The following RBM47 variants were observed in gnomAD, a reference collection of about 807,000 sequenced individuals.
RBM47 encodes the protein RNA binding motif protein 47.
In RBM47, 21 loss-of-function variants were observed where a neutral mutation model predicts 47.1. The observed-to-expected ratio is 0.45, with a 90% CI of 0.32 to 0.64. The LOEUF (loss-of-function observed/expected upper bound fraction) is 0.64. Ranked by LOEUF, RBM47 falls within the 30% of genes least tolerant of loss-of-function variation. RBM47 has a pLI of 0.05. For synonymous variants in RBM47, 375 were observed against 361.7 expected (o/e 1.04, Z -0.42); for missense variants, 708 against 870.9 (o/e 0.81, Z 2.35).
chr4:40,493,703 C>T (rs1002730118), intron 2 of RBM47, among the ~76,000 whole-genome samples: 2 of 151,386 alleles, frequency 1.3e-5, no homozygotes, highest in South Asian at 2.1e-4. Flanking sequence ...ACTGCTTGAA[C>T]CTGGGAGGCG....
rs570483923 is a variant in RBM47, at chr4:40,502,144, C to G, written c.-154-35445G>C. 5 of 154,354 alleles carry G rather than the reference C, an allele frequency of 3.2e-5. No individual in the cohort carries two copies. In the East Asian group the frequency reaches 9.7e-4, roughly 30 times the overall value. The allele number at this position is 154,354 out of a possible 1,614,324, so 9.6% of individuals were successfully genotyped here. ...GCTCAATAGAATGAATTTACAGAGG[C>G]CAAGCTTGAGCATTTTGTAACTGTT... On this transcript the variant is annotated intron_variant, in intron 2 of 6. Transcript: ENST00000295971.
intron 1 of RBM47, among the ~76,000 whole-genome samples, chr4:40,594,459 A>G (rs1245869044): frequency 6.6e-6 from 1 of 152,212 alleles, no homozygotes; most frequent in Non-Finnish European, 1.5e-5. Context: ...GAAAGCTCTC[A>G]TTATACGGCT....
intron 2 of RBM47, among the ~76,000 whole-genome samples, chr4:40,479,975 A>T (rs1465000336): frequency 6.1e-4 from 71 of 117,246 alleles, no homozygotes; most frequent in South Asian, 8.4e-4. Flanking sequence ...TATCATCTCC[A>T]TTTTTTTTTT....
intron 1 of RBM47, among the ~76,000 whole-genome samples, chr4:40,569,411 A>ACT (rs1731455425): frequency 2.1e-5 from 3 of 140,178 alleles, no homozygotes; most frequent in African/African-American, 8.0e-5. Flanking sequence ...TTCTATTCTC[A>ACT]TTTTTTTTTT....
At chr4:40,494,043 A>G (rs186110407) in intron 2 of RBM47, among the ~76,000 whole-genome samples, 1 of 152,316 alleles carries the variant, frequency 6.6e-6, no homozygotes, top group Middle Eastern at 3.4e-3. Context: ...AACTTTGCCA[A>G]AGAACAATGG....
chr4:40,479,577 G>C (rs1284464702), intron 2 of RBM47, among the ~76,000 whole-genome samples: 1 of 152,072 alleles, frequency 6.6e-6, no homozygotes, highest in Non-Finnish European at 1.5e-5. Context: ...CTGGATGACA[G>C]AGTGAGATCC....
At position 40,438,378 on chromosome 4, in the gene RBM47, G is replaced by C. The variant is rs762854745; in HGVS notation, c.516C>G (p.Ala172=). ...CGTCCAGCACGCCCTCGGTGACCTT[G>C]GCAATCTCCTCCAGGATTTCCTCGC... ...KKREEILEEI[A]KVTEGVLDVI... The change falls in exon 4 of 7, where the codon GCC becomes GCG. Residue 172 remains alanine, a synonymous_variant. Coordinates refer to ENST00000295971, the MANE Select transcript of RBM47 (RefSeq NM_001098634.2). 2 of 1,612,876 alleles carry C rather than the reference G, an allele frequency of 1.2e-6. No homozygotes were observed. Among genetic ancestry groups the C allele is most frequent in the Non-Finnish European group, 1.7e-6 (2 of 1,179,990 alleles).
At chr4:40,463,044 A>T (rs546988971) in intron 3 of RBM47, among the ~76,000 whole-genome samples, 94 of 152,374 alleles carry the variant, frequency 6.2e-4, no homozygotes, top group African/African-American at 2.2e-3. Flanking sequence ...TGTGCAAATC[A>T]TGTCTGATAA....
intron 3 of RBM47, among the ~76,000 whole-genome samples, chr4:40,454,741 G>A (rs1421253277): frequency 3.3e-5 from 5 of 152,010 alleles, no homozygotes; most frequent in Non-Finnish European, 4.4e-5. Flanking sequence ...CAGGTGATCC[G>A]CCCACCTCAG....
At position 40,437,867 on chromosome 4, in the gene RBM47, G is replaced by A. The variant is rs548510924; in HGVS notation, c.1027C>T (p.Pro343Ser). 3 of 1,613,910 alleles carry A rather than the reference G, an allele frequency of 1.9e-6. No homozygotes were observed. The South Asian group carries it at 3.3e-5, about 18-fold the overall frequency. Residue 343 changes from proline to serine, a missense_variant, in exon 4 of 7, where the codon CCC (proline) becomes TCC (serine). Coordinates refer to ENST00000295971, the MANE Select transcript of RBM47 (RefSeq NM_001098634.2). ...GGGTCGCAGGAGTACACGTAGCTGG[G>A]CTGCTGCGCTGCCTCAGCCGCGCCG... Reference protein sequence around the residue: ...GGGAAEAAQQPSYVYSCDPYT... With the variant: ...GGGAAEAAQQSSYVYSCDPYT...
chr4:40,545,093 C>T (rs1403621643), intron 1 of RBM47, among the ~76,000 whole-genome samples: 1 of 147,926 alleles, frequency 6.8e-6, no homozygotes, highest in East Asian at 2.0e-4. Flanking sequence ...GCTCTGTCAC[C>T]CAGGCTGGAG....
intron 1 of RBM47, among the ~76,000 whole-genome samples, chr4:40,571,774 CT>C (rs1731737367): frequency 6.6e-6 from 1 of 151,782 alleles, no homozygotes; most frequent in Admixed American, 6.6e-5. Context: ...AATCCTAGTA[CT>C]TTGGGAGGCT....
At chr4:40,535,966 G>A (rs1277933873) in intron 2 of RBM47, among the ~76,000 whole-genome samples, 4 of 151,976 alleles carry the variant, frequency 2.6e-5, no homozygotes, top group African/African-American at 9.7e-5. Flanking sequence ...CTCCCAGAGT[G>A]CTGGGATTAC....
At position 40,583,388 on chromosome 4, in the gene RBM47, GA is replaced by G. The variant is rs56371832; in HGVS notation, c.-239-38883del. The stretch of plus-strand genomic sequence containing the variant: ...GAGATCACGCCACTACTCCATCTCA[GA>G]AAAAAAAAAAAAAAAAAAAAAAAAA... On this transcript the variant is annotated intron_variant, in intron 1 of 6. Transcript: ENST00000295971. Among the ~76,000 whole-genome samples the G allele has an allele frequency of 7.1e-3, 642 of 91,018 alleles. 2 individuals carry two copies. Among genetic ancestry groups the G allele is most frequent in the Non-Finnish European group, 0.011 (497 of 45,302 alleles). 59.7% of individuals were successfully genotyped at this position (91,018 alleles called of 152,430 possible). A position where few individuals can be genotyped will look rare whatever the true frequency, so the allele number is the denominator to read the frequency against.
intron 2 of RBM47, chr4:40,475,843 G>A (rs1719529396): frequency 6.6e-6 from 1 of 152,186 alleles, no homozygotes; most frequent in Non-Finnish European, 1.5e-5. Flanking sequence ...GCCACTTAAT[G>A]CCTTGGGAGT....
chr4:40,601,949 G>A (rs1735318953), intron 1 of RBM47, among the ~76,000 whole-genome samples: 1 of 151,706 alleles, frequency 6.6e-6, no homozygotes, highest in Admixed American at 6.6e-5. Context: ...TGGGTGGAGA[G>A]CTTGAGGTTA....
At chr4:40,491,058 C>A (rs1721801356) in intron 2 of RBM47, among the ~76,000 whole-genome samples, 1 of 151,974 alleles carries the variant, frequency 6.6e-6, no homozygotes. Context: ...GTATAGGGTG[C>A]AGAAATCTTA....
intron 1 of RBM47, among the ~76,000 whole-genome samples, chr4:40,594,095 A>G (rs1213419160): frequency 6.6e-6 from 1 of 151,660 alleles, no homozygotes; most frequent in Admixed American, 6.6e-5. Flanking sequence ...AAAGAAAATC[A>G]TTTTTCTCTT....
chr4:40,456,030 G>A (rs1716184793), intron 3 of RBM47, among the ~76,000 whole-genome samples: 1 of 152,212 alleles, frequency 6.6e-6, no homozygotes. Flanking sequence ...ATTTATGTGA[G>A]AAAGTGCTTT....
Sources: gnomAD v4.1 joint callset for allele counts (sites outside exome capture counted in the v4.1 genomes callset) on GRCh38, gnomAD v4.1.1 for gene constraint, MANE v1.5 for transcripts, NCBI Gene and HGNC (gene_info 2026-07-23, HGNC 2026-07-21) for gene names.